Variants in CPPED1 observed in about 807,000 individuals in gnomAD.
The protein encoded by CPPED1 is serine/threonine-protein phosphatase CPPED1.
Under a neutral mutation model 28.0 loss-of-function variants are expected in CPPED1, and 28 were observed. That is an observed-to-expected ratio of 1.00 (90% CI 0.74 to 1.37). The LOEUF is 1.37. CPPED1 is among the 40% of genes most tolerant of loss of function. The pLI is 0.00. For missense variants in CPPED1, 504 were observed against 416.5 expected, an observed-to-expected ratio of 1.21 and a Z score of -1.83; for synonymous variants, 198 against 180.2, an observed-to-expected ratio of 1.10 and a Z score of -0.79.
At chr16:12,756,475 A>G (rs1251884259) in intron 2 of CPPED1, among the ~76,000 whole-genome samples, 1 of 152,136 alleles carries the variant, frequency 6.6e-6, no homozygotes, top group African/African-American at 2.4e-5. Flanking sequence ...AGGGAGGACC[A>G]CTTGAGGTCA....
intron 2 of CPPED1, among the ~76,000 whole-genome samples, chr16:12,738,720 C>T (rs1031952894): frequency 6.6e-6 from 1 of 152,064 alleles, no homozygotes; most frequent in South Asian, 2.1e-4. Flanking sequence ...ATTTAGTAGC[C>T]TACCATACAA....
intron 3 of CPPED1, among the ~76,000 whole-genome samples, chr16:12,699,096 A>T (rs2080006959): frequency 1.3e-5 from 2 of 152,214 alleles, no homozygotes; most frequent in South Asian, 4.1e-4. Flanking sequence ...GACCGAGAAA[A>T]TGTCTAGGTT....
intron 2 of CPPED1, among the ~76,000 whole-genome samples, chr16:12,755,073 A>G (rs1230994609): frequency 6.6e-6 from 1 of 152,104 alleles, no homozygotes; most frequent in Non-Finnish European, 1.5e-5. Flanking sequence ...GCTCCCAGGA[A>G]GCTGCAGGCA....
At chr16:12,765,956 C>T (rs1296282473) in intron 2 of CPPED1, among the ~76,000 whole-genome samples, 1 of 151,972 alleles carries the variant, frequency 6.6e-6, no homozygotes, top group East Asian at 1.9e-4. Flanking sequence ...AGAAAATAGG[C>T]CCATCAAGGA....
intron 2 of CPPED1, among the ~76,000 whole-genome samples, chr16:12,719,662 C>G (rs541069222): frequency 6.6e-6 from 1 of 152,116 alleles, no homozygotes; most frequent in Admixed American, 6.5e-5. Context: ...AGGCCAGGCG[C>G]GGTCACTCAC....
chr16:12,803,125 G>C (rs2080670684), intron 1 of CPPED1, among the ~76,000 whole-genome samples: 1 of 152,198 alleles, frequency 6.6e-6, no homozygotes, highest in African/African-American at 2.4e-5. Context: ...CCATTTTTAA[G>C]GCAAAGCAGA....
intron 3 of CPPED1, among the ~76,000 whole-genome samples, chr16:12,681,662 C>T (rs536752315): frequency 4.1e-4 from 63 of 152,216 alleles, no homozygotes; most frequent in Non-Finnish European, 7.2e-4. Flanking sequence ...TGTGCATTCT[C>T]GGCTTCATTA....
intron 2 of CPPED1, among the ~76,000 whole-genome samples, chr16:12,716,979 C>A (rs2080110238): frequency 6.6e-6 from 1 of 151,714 alleles, no homozygotes. Flanking sequence ...CCAGAGCTTT[C>A]CCAGAAGAAG....
At chr16:12,691,979 AAC>A (rs1491196007) in intron 3 of CPPED1, among the ~76,000 whole-genome samples, 4,461 of 150,382 alleles carry the variant, frequency 0.03, 173 homozygotes, top group African/African-American at 0.095. Flanking sequence ...ATAAAAAAAA[AAC>A]AAAAACAACA....
At chr16:12,696,204 A>G (rs945370011) in intron 3 of CPPED1, among the ~76,000 whole-genome samples, 7 of 152,120 alleles carry the variant, frequency 4.6e-5, no homozygotes, top group African/African-American at 1.7e-4. Context: ...CTACACAGCT[A>G]TATCAGCAGG....
At chr16:12,676,899 A>G (rs912473203) in intron 3 of CPPED1, among the ~76,000 whole-genome samples, 3 of 152,128 alleles carry the variant, frequency 2.0e-5, no homozygotes, top group Non-Finnish European at 4.4e-5. Flanking sequence ...TGATTTTATT[A>G]TACGATTTAG....
At chr16:12,695,156 A>C (rs892736610) in intron 3 of CPPED1, among the ~76,000 whole-genome samples, 1 of 152,228 alleles carries the variant, frequency 6.6e-6, no homozygotes, top group Non-Finnish European at 1.5e-5. Context: ...CATTTGTAAA[A>C]AAATCTGACT....
chr16:12,790,133 G>C (rs1030874651), intron 1 of CPPED1, among the ~76,000 whole-genome samples: 1 of 152,166 alleles, frequency 6.6e-6, no homozygotes, highest in Admixed American at 6.5e-5. Flanking sequence ...AAGAATTCAC[G>C]CAATGCTTTA....
At chr16:12,801,368 C>T (rs1214740242) in intron 1 of CPPED1, among the ~76,000 whole-genome samples, 1 of 152,152 alleles carries the variant, frequency 6.6e-6, no homozygotes, top group African/African-American at 2.4e-5. Flanking sequence ...GCTGGGATTA[C>T]AGGCGTGAGC....
intron 2 of CPPED1, among the ~76,000 whole-genome samples, chr16:12,742,195 G>T (rs2080259791): frequency 6.6e-6 from 1 of 152,174 alleles, no homozygotes; most frequent in Non-Finnish European, 1.5e-5. Flanking sequence ...CATAACTACA[G>T]ACCTGTCTTT....
chr16:12,750,077 T>C (rs1459726296), intron 2 of CPPED1, among the ~76,000 whole-genome samples: 2 of 152,232 alleles, frequency 1.3e-5, no homozygotes, highest in African/African-American at 2.4e-5. Flanking sequence ...TCGTGAACCT[T>C]AGACTTTGGC....
At chr16:12,680,939 A>G (rs2079901488) in intron 3 of CPPED1, among the ~76,000 whole-genome samples, 1 of 152,134 alleles carries the variant, frequency 6.6e-6, no homozygotes, top group African/African-American at 2.4e-5. Context: ...CATGTGATAT[A>G]AAGCATCTGG....
chr16:12,665,785 C>T (rs1163406885), intron 3 of CPPED1, among the ~76,000 whole-genome samples: 1 of 152,112 alleles, frequency 6.6e-6, no homozygotes, highest in Non-Finnish European at 1.5e-5. Context: ...ATTGGCTAGG[C>T]GTGGTGGCAG....
At chr16:12,773,380 A>G (rs1229741582) in intron 2 of CPPED1, among the ~76,000 whole-genome samples, 1 of 152,226 alleles carries the variant, frequency 6.6e-6, no homozygotes, top group East Asian at 1.9e-4. Flanking sequence ...GTTAAAAGGA[A>G]TGTTCACAAA....
Sources: gnomAD v4.1 joint callset for allele counts (sites outside exome capture counted in the v4.1 genomes callset) on GRCh38, gnomAD v4.1.1 for gene constraint, MANE v1.5 for transcripts, NCBI Gene and HGNC (gene_info 2026-07-23, HGNC 2026-07-21) for gene names.